The following AGBL1 variants were observed in gnomAD, a reference collection of about 807,000 sequenced individuals.
The protein encoded by AGBL1 is cytosolic carboxypeptidase 4.
A neutral mutation model predicts 118.9 loss-of-function variants in AGBL1; 130 were observed. The observed-to-expected ratio is 1.09, with a 90% CI of 0.95 to 1.26. The LOEUF (loss-of-function observed/expected upper bound fraction) is 1.26, where lower values mean the gene tolerates loss of function less well. Ranked by LOEUF, AGBL1 falls within the 50% of genes most tolerant of loss-of-function variation. AGBL1 has a pLI of 0.00. For synonymous variants in AGBL1, 555 were observed against 478.9 expected, an observed-to-expected ratio of 1.16 and a Z score of -2.08; for missense variants, 1,584 against 1,298.1, an observed-to-expected ratio of 1.22 and a Z score of -3.38.
intron 18 of AGBL1, among the ~76,000 whole-genome samples, chr15:86,449,647 T>C (rs772956291): frequency 8.5e-5 from 13 of 152,208 alleles, no homozygotes; most frequent in Non-Finnish European, 1.9e-4. Flanking sequence ...CAGACCACTG[T>C]CTGGTACAGT....
chr15:86,802,825 C>A (rs182918300), intron 22 of AGBL1, among the ~76,000 whole-genome samples: 2 of 152,260 alleles, frequency 1.3e-5, no homozygotes, highest in Non-Finnish European at 1.5e-5. Context: ...CCACTAATTA[C>A]TTTACGTTGC....
chr15:86,967,506 G>T (rs936920399), intron 23 of AGBL1, among the ~76,000 whole-genome samples: 23 of 152,054 alleles, frequency 1.5e-4, no homozygotes, highest in Admixed American at 1.4e-3. Context: ...TTTTGTATAA[G>T]GTGTAAGGAA....
chr15:86,589,601 G>C (rs944835905), intron 21 of AGBL1, among the ~76,000 whole-genome samples: 1 of 152,164 alleles, frequency 6.6e-6, no homozygotes, highest in African/African-American at 2.4e-5. Context: ...AAATTCCTCA[G>C]ATAAAAAGTT....
intron 6 of AGBL1, among the ~76,000 whole-genome samples, chr15:86,230,712 G>A (rs188367709): frequency 1.3e-5 from 2 of 152,224 alleles, no homozygotes; most frequent in Admixed American, 6.5e-5. Flanking sequence ...TTAAAAATTC[G>A]TTCTTATTAT....
chr15:86,684,720 G>A (rs969523953), intron 22 of AGBL1, among the ~76,000 whole-genome samples: 8 of 152,092 alleles, frequency 5.3e-5, no homozygotes, highest in South Asian at 2.1e-4. Flanking sequence ...AATCTATGGC[G>A]TTGTCTTAAC....
intron 24 of AGBL1, among the ~76,000 whole-genome samples, chr15:87,006,723 C>A (rs1219612841): frequency 1.3e-5 from 2 of 152,130 alleles, no homozygotes; most frequent in Admixed American, 6.5e-5. Context: ...GAGATGAACC[C>A]AGTACTTCAG....
At position 86,720,300 on chromosome 15, in the gene AGBL1, G is replaced by C. The variant is rs186289239; in HGVS notation, c.3158+45864G>C. 5.9e-5 allele frequency among the ~76,000 whole-genome samples: 9 copies of C among 152,210 alleles called. No individual in the cohort carries two copies. In the East Asian group the frequency reaches 1.7e-3, roughly 29 times the overall value. ...GATGAATAACACTACTATCTACCCA[G>C]TTACCAGGCTCAAATCCTGGGGGTC... On this transcript the variant is annotated intron_variant, in intron 22 of 22. Coordinates refer to ENST00000614907, the MANE Select transcript of AGBL1 (RefSeq NM_001386094.1).
intron 22 of AGBL1, among the ~76,000 whole-genome samples, chr15:86,904,481 T>A (rs944189524): frequency 1.3e-5 from 2 of 150,536 alleles, no homozygotes; most frequent in African/African-American, 4.9e-5. Flanking sequence ...TACATTGCAT[T>A]TGGGCAAATA....
intron 17 of AGBL1, chr15:86,296,606 A>G (rs1234275742): frequency 6.6e-6 from 1 of 152,216 alleles, no homozygotes; most frequent in Non-Finnish European, 1.5e-5. Context: ...CTCACACCCC[A>G]TCAGCATCTG....
At chr15:86,801,310 CATCTATCT>C (rs10629012) in intron 22 of AGBL1, among the ~76,000 whole-genome samples, 1,927 of 147,302 alleles carry the variant, frequency 0.013, 23 homozygotes, top group East Asian at 0.048. Flanking sequence ...TTGATGATTA[CATCTATCT>C]ATCTATCTAT....
At chr15:86,762,782 A>T (rs2078044758) in intron 22 of AGBL1, among the ~76,000 whole-genome samples, 1 of 152,004 alleles carries the variant, frequency 6.6e-6, no homozygotes, top group African/African-American at 2.4e-5. Flanking sequence ...TTTGATTCCA[A>T]CTCAAAGAAT....
intron 18 of AGBL1, among the ~76,000 whole-genome samples, chr15:86,476,177 G>A (rs1461494789): frequency 6.6e-6 from 1 of 152,110 alleles, no homozygotes; most frequent in Non-Finnish European, 1.5e-5. Context: ...ATCAACTAAT[G>A]AGCAAAATAA....
intron 22 of AGBL1, among the ~76,000 whole-genome samples, chr15:86,834,904 A>G (rs539437527): frequency 7.3e-5 from 11 of 151,532 alleles, no homozygotes; most frequent in South Asian, 2.1e-4. Flanking sequence ...CAGAGGATAA[A>G]TTCTTCTTCT....
chr15:86,528,051 CAGG>C (rs1170314517), intron 19 of AGBL1, among the ~76,000 whole-genome samples: 3 of 152,156 alleles, frequency 2.0e-5, no homozygotes, highest in Non-Finnish European at 4.4e-5. Flanking sequence ...TGCTACGTGT[CAGG>C]GATACAAAGA....
At chr15:86,567,527 A>G (rs528630296) in intron 21 of AGBL1, among the ~76,000 whole-genome samples, 33 of 152,356 alleles carry the variant, frequency 2.2e-4, no homozygotes, top group African/African-American at 7.5e-4. Flanking sequence ...AACAGATTTA[A>G]ATTTCTCCAA....
At chr15:86,796,040 A>T (rs577576784) in intron 22 of AGBL1, among the ~76,000 whole-genome samples, 1 of 152,082 alleles carries the variant, frequency 6.6e-6, no homozygotes, top group African/African-American at 2.4e-5. Flanking sequence ...ACATGTGTCA[A>T]CCAACTAAAA....
chr15:86,233,706 A>G (rs1340686932), intron 6 of AGBL1, among the ~76,000 whole-genome samples: 2 of 152,234 alleles, frequency 1.3e-5, no homozygotes, highest in Non-Finnish European at 2.9e-5. Flanking sequence ...TGCAGTGGCA[A>G]GAAGGAAGAA....
intron 1 of AGBL1, chr15:86,080,329 T>G: frequency 4.1e-6 from 1 of 245,186 alleles, no homozygotes; most frequent in East Asian, 7.3e-5. Context: ...GTTTGGCAAA[T>G]GAAGGGGACC....
chr15:86,924,019 C>T (rs1311609753), intron 23 of AGBL1, among the ~76,000 whole-genome samples: 1 of 152,204 alleles, frequency 6.6e-6, no homozygotes, highest in Non-Finnish European at 1.5e-5. Flanking sequence ...AAGCAGTCTC[C>T]ATAAATACGT....
Sources: allele counts gnomAD v4.1 joint callset (sites outside exome capture counted in the v4.1 genomes callset), GRCh38; gene constraint gnomAD v4.1.1; transcripts MANE v1.5; gene names NCBI Gene and HGNC (gene_info 2026-07-23, HGNC 2026-07-21).